Variants in ADAMTS14 observed in about 807,000 individuals in gnomAD.
ADAMTS14 encodes A disintegrin and metalloproteinase with thrombospondin motifs 14.
In ADAMTS14, 100 loss-of-function variants were observed where a neutral mutation model predicts 128.6. The ratio of observed to expected loss-of-function variants is 0.78; its 90% CI spans 0.66 to 0.92. The LOEUF (loss-of-function observed/expected upper bound fraction) is 0.92, where lower values mean the gene tolerates loss of function less well. Among genes scored for constraint, ADAMTS14 ranks in the 40% least tolerant of loss-of-function variants. The pLI is 0.00. For synonymous variants in ADAMTS14, 665 were observed against 653.8 expected (o/e 1.02, Z -0.26); for missense variants, 1,562 against 1,658.6 (o/e 0.94, Z 1.01).
chr10:70,693,933 C>T (rs1334302464), intron 2 of ADAMTS14, among the ~76,000 whole-genome samples: 2 of 152,220 alleles, frequency 1.3e-5, no homozygotes, highest in African/African-American at 2.4e-5. Flanking sequence ...TGCAGATGTA[C>T]GTGGCAGAGC....
rs769735322 is a variant in ADAMTS14 at position 70,761,063 on chromosome 10, C to A, written c.*210C>A. 12 of 723,804 alleles carry A rather than the reference C, an allele frequency of 1.7e-5. No individual in the cohort carries two copies. Among genetic ancestry groups the A allele is most frequent in the Non-Finnish European group, 2.5e-5 (12 of 482,256 alleles). The allele number at this position is 723,804 out of a possible 1,614,324, so 44.8% of individuals were successfully genotyped here. Reference sequence around the variant, plus strand: ...CAGGGAAAGCCCTAATCGGAGATACCTCAGCAAGCTGCCCCCGGCGGGACT... The same window carrying A: ...CAGGGAAAGCCCTAATCGGAGATACATCAGCAAGCTGCCCCCGGCGGGACT... On this transcript the variant is annotated 3_prime_UTR_variant, in exon 22 of 22. Transcript: ENST00000373207.
intron 2 of ADAMTS14, among the ~76,000 whole-genome samples, chr10:70,685,793 G>A (rs1839934959): frequency 6.6e-6 from 1 of 152,176 alleles, no homozygotes. Flanking sequence ...AATGATTAAT[G>A]CTAAAAGTGA....
chr10:70,758,726 C>T (rs1227889184), intron 21 of ADAMTS14, among the ~76,000 whole-genome samples: 2 of 152,156 alleles, frequency 1.3e-5, no homozygotes, highest in African/African-American at 4.8e-5. Context: ...TATGAGCTGC[C>T]TTCATAGGGC....
intron 10 of ADAMTS14, among the ~76,000 whole-genome samples, chr10:70,738,638 A>G (rs931610429): frequency 6.6e-6 from 1 of 152,206 alleles, no homozygotes; most frequent in Non-Finnish European, 1.5e-5. Context: ...ATCAGAAGCT[A>G]TGAGCAGGTG....
intron 15 of ADAMTS14, 23 bp from the exon 16 acceptor site, chr10:70,749,799 G>T: frequency 6.2e-7 from 1 of 1,611,412 alleles, no homozygotes; most frequent in South Asian, 1.1e-5. Context: ...AAATCTGTGT[G>T]ACCCTCTCCC....
chr10:70,707,924 C>A, intron 3 of ADAMTS14, among the ~76,000 whole-genome samples: 1 of 152,256 alleles, frequency 6.6e-6, no homozygotes, highest in African/African-American at 2.4e-5. Flanking sequence ...TGGTTGTGAC[C>A]GAGAATGAAT....
At chr10:70,695,119 C>T (rs115283408) in intron 2 of ADAMTS14, among the ~76,000 whole-genome samples, 3,664 of 152,314 alleles carry the variant, frequency 0.024, 55 homozygotes, top group Non-Finnish European at 0.03. Flanking sequence ...TGATATTGAA[C>T]ATCTTTTCAT....
intron 4 of ADAMTS14, among the ~76,000 whole-genome samples, chr10:70,723,687 G>A: frequency 6.6e-6 from 1 of 152,190 alleles, no homozygotes; most frequent in East Asian, 1.9e-4. Context: ...ATACCCCCAG[G>A]GTCTTGCTTT....
chr10:70,732,725 C>G (rs181905783), intron 7 of ADAMTS14, among the ~76,000 whole-genome samples: 8 of 152,326 alleles, frequency 5.3e-5, no homozygotes, highest in Non-Finnish European at 1.0e-4. Flanking sequence ...CCCTCCATCA[C>G]GTCCACATTT....
intron 3 of ADAMTS14, among the ~76,000 whole-genome samples, chr10:70,708,043 G>T (rs1388010900): frequency 6.6e-6 from 1 of 152,208 alleles, no homozygotes; most frequent in East Asian, 1.9e-4. Flanking sequence ...AGCCAAAAGG[G>T]CAGAGCAGCG....
chr10:70,746,089 A>T (rs1395069344), intron 15 of ADAMTS14, among the ~76,000 whole-genome samples: 2 of 152,180 alleles, frequency 1.3e-5, no homozygotes, highest in Non-Finnish European at 2.9e-5. Context: ...GCAAAGCAGC[A>T]TGCATAGAGG....
At chr10:70,701,546 C>A (rs1411239045) in intron 2 of ADAMTS14, among the ~76,000 whole-genome samples, 1 of 152,228 alleles carries the variant, frequency 6.6e-6, no homozygotes, top group Non-Finnish European at 1.5e-5. Flanking sequence ...CACGAACCCA[C>A]ATCTAGTTGT....
rs141266763 is a variant in ADAMTS14 at position 70,674,110 on chromosome 10, G to A, written c.83-446G>A. Reference sequence around the variant, plus strand: ...TAGGTGTGTTTGTTTTGCCAGCTGCGTTCTTGGAAGTTTGGGGAGGAGGGC... The same window carrying A: ...TAGGTGTGTTTGTTTTGCCAGCTGCATTCTTGGAAGTTTGGGGAGGAGGGC... On this transcript the variant is annotated intron_variant, in intron 1 of 21. Coordinates refer to ENST00000373207, the MANE Select transcript of ADAMTS14 (RefSeq NM_080722.4). Among the ~76,000 whole-genome samples, 612 of 152,172 alleles carry A rather than the reference G, an allele frequency of 4.0e-3. 4 individuals carry two copies. The highest frequency in any genetic ancestry group is 0.01 in the Middle Eastern group (3 of 294).
intron 4 of ADAMTS14, among the ~76,000 whole-genome samples, chr10:70,722,026 G>A (rs1258548392): frequency 6.6e-6 from 1 of 152,222 alleles, no homozygotes; most frequent in Non-Finnish European, 1.5e-5. Flanking sequence ...CTGATAGTTT[G>A]TTACCTGAAA....
intron 17 of ADAMTS14, 137 bp from the exon 18 acceptor site, chr10:70,751,958 C>A: frequency 7.7e-7 from 1 of 1,293,006 alleles, no homozygotes; most frequent in Non-Finnish European, 1.0e-6. Flanking sequence ...CAGAAAGTGA[C>A]GTGGGCAGGC....
At chr10:70,723,408 T>C (rs1279345142) in intron 4 of ADAMTS14, among the ~76,000 whole-genome samples, 1 of 152,202 alleles carries the variant, frequency 6.6e-6, no homozygotes, top group African/African-American at 2.4e-5. Context: ...AGCATGTCAG[T>C]ATTGGTTCGT....
chr10:70,705,256 G>T (rs950796951), intron 3 of ADAMTS14, among the ~76,000 whole-genome samples: 4 of 152,274 alleles, frequency 2.6e-5, no homozygotes, highest in South Asian at 2.1e-4. Flanking sequence ...CTGCGTCCTG[G>T]ATGCTCTCCT....
intron 19 of ADAMTS14, among the ~76,000 whole-genome samples, chr10:70,755,997 C>T (rs1842471648): frequency 6.6e-6 from 1 of 152,104 alleles, no homozygotes; most frequent in South Asian, 2.1e-4. Context: ...GAAGATTGGA[C>T]AAAAATCATG....
chr10:70,684,702 G>T (rs1460660735), intron 2 of ADAMTS14, among the ~76,000 whole-genome samples: 1 of 152,214 alleles, frequency 6.6e-6, no homozygotes, highest in African/African-American at 2.4e-5. Context: ...TGATGTCTTA[G>T]AATAAATAAG....
Sources: gnomAD v4.1 joint callset for allele counts (sites outside exome capture counted in the v4.1 genomes callset) on GRCh38, gnomAD v4.1.1 for gene constraint, MANE v1.5 for transcripts, NCBI Gene and HGNC (gene_info 2026-07-23, HGNC 2026-07-21) for gene names.